Variants in NUFIP1 observed in about 807,000 individuals in gnomAD.
NUFIP1 encodes nuclear FMR1 interacting protein 1.
NUFIP1 carries 38 observed loss-of-function variants against 56.2 expected under a neutral mutation model. That is an observed-to-expected ratio of 0.68 (90% confidence interval 0.52 to 0.89). The LOEUF is 0.89. NUFIP1 is among the 40% of genes least tolerant of loss of function. The pLI is 0.00. For missense variants in NUFIP1, 567 were observed against 605.8 expected (o/e 0.94, Z 0.67); for synonymous variants, 215 against 212.4 (o/e 1.01, Z -0.10).
Position 44,941,331 on chromosome 13 carries a change from C to T in NUFIP1, c.1372-9G>A, listed in dbSNP as rs773510321. 16 of 1,547,090 alleles carry T rather than the reference C, an allele frequency of 1.0e-5. No individual in the cohort carries two copies. The South Asian group carries it at 1.7e-4, about 17-fold the overall frequency. ...ATGTCCGGAGCTAGAAGCTAAAACA[C>T]AATTTAAAAAAAGATGAGGTAGTAA... On this transcript the variant is annotated splice_polypyrimidine_tract_variant and intron_variant, in intron 9 of 9. Coordinates refer to ENST00000379161, the MANE Select transcript of NUFIP1 (RefSeq NM_012345.3).
chr13:44,980,005 A>G lies in NUFIP1; in HGVS notation c.595-53T>C, dbSNP rs1458710298. 8 of 1,347,028 alleles carry G rather than the reference A, an allele frequency of 5.9e-6. No homozygotes were observed. In the Admixed American group the frequency reaches 1.6e-4, roughly 28 times the overall value. The allele number at this position is 1,347,028 out of a possible 1,614,324, so 83.4% of individuals were successfully genotyped here. A position where few individuals can be genotyped will look rare whatever the true frequency, so the allele number is the denominator to read the frequency against. ...CTATTTAACAAATGTTTTCCATGTT[A>G]AATTTACCCCACTATACATACACAG... On this transcript the variant is annotated intron_variant, in intron 3 of 9. Transcript: ENST00000379161.
chr13:44,941,378 C>T (rs1363480790), intron 9 of NUFIP1, 56 bp from the exon 10 acceptor site: 7 of 1,010,240 alleles, frequency 6.9e-6, no homozygotes, highest in African/African-American at 1.6e-5. Flanking sequence ...CTGGGAAATA[C>T]AATCTAAAAT....
At chr13:44,978,661 C>T (rs1053538378) in intron 5 of NUFIP1, among the ~76,000 whole-genome samples, 17 of 152,158 alleles carry the variant, frequency 1.1e-4, no homozygotes, top group African/African-American at 3.9e-4. Flanking sequence ...TTGTTAAGAA[C>T]AAGCACCTGT....
intron 5 of NUFIP1, among the ~76,000 whole-genome samples, chr13:44,974,763 G>T (rs764247527): frequency 2.6e-5 from 4 of 152,156 alleles, no homozygotes; most frequent in Admixed American, 6.5e-5. Context: ...GGTTGCTCAG[G>T]CTTGGCCGTT....
At chr13:44,978,169 T>G (rs1260522313) in intron 5 of NUFIP1, among the ~76,000 whole-genome samples, 1 of 152,238 alleles carries the variant, frequency 6.6e-6, no homozygotes. Context: ...ATCTTCGTGC[T>G]TCTGCTGGTC....
intron 2 of NUFIP1, 113 bp from the exon 3 acceptor site, chr13:44,980,933 C>A (rs1247669167): frequency 3.3e-6 from 2 of 604,706 alleles, no homozygotes; most frequent in East Asian, 6.0e-5. Context: ...ATAACCCTTT[C>A]GTGTGGGAGA....
intron 6 of NUFIP1, among the ~76,000 whole-genome samples, chr13:44,963,339 T>G (rs1005215051): frequency 6.6e-6 from 1 of 152,232 alleles, no homozygotes; most frequent in Non-Finnish European, 1.5e-5. Flanking sequence ...TTTTAATTGT[T>G]GCTACTTTAT....
At chr13:44,945,591 C>T (rs192144579) in intron 8 of NUFIP1, among the ~76,000 whole-genome samples, 140 of 152,046 alleles carry the variant, frequency 9.2e-4, no homozygotes, top group Middle Eastern at 6.8e-3. Context: ...AGATCAAATC[C>T]ATCAATGTAT....
intron 7 of NUFIP1, among the ~76,000 whole-genome samples, chr13:44,952,647 C>T (rs192329758): frequency 9.9e-5 from 15 of 152,268 alleles, no homozygotes; most frequent in Admixed American, 7.2e-4. Context: ...CTCCATATAT[C>T]CTTCATCCAG....
intron 8 of NUFIP1, among the ~76,000 whole-genome samples, chr13:44,948,711 A>T (rs1870975813): frequency 6.6e-6 from 1 of 152,196 alleles, no homozygotes; most frequent in South Asian, 2.1e-4. Flanking sequence ...TCAAGAGCCT[A>T]CTCATGGCTC....
intron 1 of NUFIP1, among the ~76,000 whole-genome samples, chr13:44,982,979 G>T (rs529206823): frequency 2.8e-4 from 42 of 152,250 alleles, no homozygotes; most frequent in African/African-American, 1.0e-3. Flanking sequence ...CTACACTCCA[G>T]TCTAGGCAAC....
chr13:44,955,221 G>C (rs1361648107), intron 7 of NUFIP1, among the ~76,000 whole-genome samples: 1 of 152,212 alleles, frequency 6.6e-6, no homozygotes, highest in Non-Finnish European at 1.5e-5. Context: ...AAATATGCTA[G>C]TAAGGAAATC....
At chr13:44,966,744 TG>T (rs1372024669) in intron 5 of NUFIP1, among the ~76,000 whole-genome samples, 1 of 151,650 alleles carries the variant, frequency 6.6e-6, no homozygotes, top group East Asian at 2.0e-4. Context: ...GAGGTTGAGG[TG>T]GGCGGATCAT....
Position 44,941,313 on chromosome 13 carries a change from G to A in NUFIP1, c.1381C>T (p.Pro461Ser). The change falls in exon 10 of 10, where the codon CCG (proline) becomes TCG (serine). Residue 461 changes from proline (P) to serine (S), a missense_variant. Coordinates refer to ENST00000379161, the MANE Select transcript of NUFIP1 (RefSeq NM_012345.3). ...HPYLLEMLLAPDIRHERNVIL... is the reference protein window; with the variant it reads ...HPYLLEMLLASDIRHERNVIL... Reference sequence around the variant, plus strand: ...ACATTTCTTTCATGTCGAATGTCCGGAGCTAGAAGCTAAAACACAATTTAA... The same window carrying A: ...ACATTTCTTTCATGTCGAATGTCCGAAGCTAGAAGCTAAAACACAATTTAA... 1 of 1,598,574 alleles carries A rather than the reference G, an allele frequency of 6.3e-7. No homozygotes were observed. The highest frequency in any genetic ancestry group is 8.5e-7 in the Non-Finnish European group (1 of 1,173,068).
chr13:44,956,291 T>C (rs906687318), intron 7 of NUFIP1, among the ~76,000 whole-genome samples: 4 of 151,524 alleles, frequency 2.6e-5, no homozygotes, highest in East Asian at 1.9e-4. Context: ...CGGGGATAGA[T>C]TGTCTGTAGC....
At chr13:44,959,129 T>C (rs1428331123) in intron 7 of NUFIP1, among the ~76,000 whole-genome samples, 1 of 152,208 alleles carries the variant, frequency 6.6e-6, no homozygotes, top group South Asian at 2.1e-4. Context: ...TACCTCATAC[T>C]AATGAAAATT....
intron 7 of NUFIP1, 70 bp downstream of exon 7, chr13:44,959,311 G>A: frequency 1.4e-6 from 2 of 1,389,636 alleles, no homozygotes; most frequent in Non-Finnish European, 2.0e-6. Flanking sequence ...CACAAGCAAG[G>A]CTGTGAATAA....
At chr13:44,966,787 T>C (rs975814352) in intron 5 of NUFIP1, among the ~76,000 whole-genome samples, 2 of 151,356 alleles carry the variant, frequency 1.3e-5, no homozygotes, top group African/African-American at 4.8e-5. Context: ...CAGCTTGACC[T>C]ACGTAGTGAA....
chr13:44,986,960 C>G (rs1387122036), intron 1 of NUFIP1, among the ~76,000 whole-genome samples: 2 of 152,026 alleles, frequency 1.3e-5, no homozygotes, highest in Non-Finnish European at 2.9e-5. Flanking sequence ...CTTCTAGGAC[C>G]ACAGGCATTC....
Sources: gnomAD v4.1 joint callset for allele counts (sites outside exome capture counted in the v4.1 genomes callset) on GRCh38, gnomAD v4.1.1 for gene constraint, MANE v1.5 for transcripts, NCBI Gene and HGNC (gene_info 2026-07-23, HGNC 2026-07-21) for gene names.